Variants in RPS6KA1 observed in about 807,000 individuals in gnomAD.
The protein encoded by RPS6KA1 is ribosomal protein S6 kinase alpha-1.
A neutral mutation model predicts 91.3 loss-of-function variants in RPS6KA1; 48 were observed. That is an observed-to-expected ratio of 0.53 (90% CI 0.42 to 0.67). The LOEUF is 0.67. Ranked by LOEUF, RPS6KA1 falls within the 30% of genes least tolerant of loss-of-function variation. The pLI is 0.00. For missense variants in RPS6KA1, 719 were observed against 960.5 expected (o/e 0.75, Z 3.32); for synonymous variants, 359 against 384.7 (o/e 0.93, Z 0.78).
At chr1:26,560,138 A>G (rs2076141407) in intron 14 of RPS6KA1, among the ~76,000 whole-genome samples, 1 of 152,272 alleles carries the variant, frequency 6.6e-6, no homozygotes, top group Non-Finnish European at 1.5e-5. Flanking sequence ...ATCTTAGTCC[A>G]GGACAAATAT....
chr1:26,573,565 G>A (rs2076269158), intron 21 of RPS6KA1, among the ~76,000 whole-genome samples: 1 of 152,196 alleles, frequency 6.6e-6, no homozygotes, highest in South Asian at 2.1e-4. Context: ...CCTCTGGAAG[G>A]CACAGCTGCT....
At chr1:26,535,048 T>C (rs1557487756) in intron 1 of RPS6KA1, among the ~76,000 whole-genome samples, 1 of 152,072 alleles carries the variant, frequency 6.6e-6, no homozygotes, top group Non-Finnish European at 1.5e-5. Flanking sequence ...GTGGGTAGGC[T>C]GTTCTGATCA....
chr1:26,560,966 C>T (rs1472434579), intron 15 of RPS6KA1, 79 bp from the exon 16 acceptor site: 3 of 1,594,798 alleles, frequency 1.9e-6, no homozygotes, highest in Non-Finnish European at 2.6e-6. Flanking sequence ...GTGGCCGAGA[C>T]CTCCTGGCCT....
intron 17 of RPS6KA1, among the ~76,000 whole-genome samples, chr1:26,569,442 C>G (rs1211550211): frequency 6.6e-6 from 1 of 152,096 alleles, no homozygotes; most frequent in Non-Finnish European, 1.5e-5. Context: ...AGGGAGCCCA[C>G]GGGACTTTCT....
intron 21 of RPS6KA1, 28 bp downstream of exon 21, chr1:26,573,389 T>C: frequency 6.2e-7 from 1 of 1,613,582 alleles, no homozygotes. Flanking sequence ...CTGCTGGGCA[T>C]CTGGGGGGTC....
At chr1:26,573,082 G>A in intron 20 of RPS6KA1, 142 bp from the exon 21 acceptor site, 2 of 826,098 alleles carry the variant, frequency 2.4e-6, no homozygotes, top group Non-Finnish European at 3.8e-6. Flanking sequence ...GGGGAGCCCT[G>A]GAGCAGAGTG....
chr1:26,546,536 G>A (rs2075996046), intron 2 of RPS6KA1, among the ~76,000 whole-genome samples: 2 of 152,198 alleles, frequency 1.3e-5, no homozygotes, highest in South Asian at 2.1e-4. Flanking sequence ...ACAACAGGGG[G>A]AGGGAAGCCC....
Position 26,555,335 on chromosome 1 carries a change from C to G in RPS6KA1, c.827+114C>G. The G allele has an allele frequency of 8.9e-7, 1 of 1,120,010 alleles. No homozygotes were observed. Among genetic ancestry groups the G allele is most frequent in the Non-Finnish European group, 1.3e-6 (1 of 762,000 alleles). 69.4% of individuals were successfully genotyped at this position (1,120,010 alleles called of 1,614,324 possible). ...CTCAGCTACCCTCTCTAATGAGACT[C>G]TCCTCTGGGTTAAACATTATACCTT... On this transcript the variant is annotated intron_variant, in intron 10 of 21. Transcript: ENST00000374168. The surrounding 1 kb of genome is among the most constrained non-coding windows in gnomAD (Gnocchi z 4.3).
rs1173583237 is a variant in RPS6KA1, at chr1:26,571,811, C to G, written c.1753-38C>G. ...AAACATCTGTGGCGACTTTCTACTG[C>G]CCCCCCAGACTGACCACCTCCCCTG... On this transcript the variant is annotated intron_variant, in intron 18 of 21. Coordinates refer to ENST00000374168, the MANE Select transcript of RPS6KA1 (RefSeq NM_002953.4). This position sits in a 1 kb window ranked among gnomAD's most constrained non-coding sequence, Gnocchi z 5.1. 3 of 1,575,942 alleles carry G rather than the reference C, an allele frequency of 1.9e-6. No individual in the cohort carries two copies. The African/African-American group carries it at 4.0e-5, about 21-fold the overall frequency.
At position 26,553,963 on chromosome 1, in the gene RPS6KA1, C is replaced by A. The variant is rs2076076188; in HGVS notation, c.576-251C>A. Reference sequence around the variant, plus strand: ...TGTAGAGCTACTTAACTGCCCTGAGCCTTAGTTTTCCCATTAGCAAAACGG... The same window carrying A: ...TGTAGAGCTACTTAACTGCCCTGAGACTTAGTTTTCCCATTAGCAAAACGG... On this transcript the variant is annotated intron_variant, in intron 7 of 21. Transcript: ENST00000374168. The A allele has an allele frequency of 6.5e-6, 3 of 459,318 alleles. No homozygotes were observed. The East Asian group carries it at 1.2e-4, about 18-fold the overall frequency. 28.5% of individuals were successfully genotyped at this position (459,318 alleles called of 1,614,324 possible).
intron 2 of RPS6KA1, among the ~76,000 whole-genome samples, chr1:26,542,812 C>T (rs1200536218): frequency 6.6e-6 from 1 of 152,054 alleles, no homozygotes; most frequent in African/African-American, 2.4e-5. Flanking sequence ...ACTTTTGCCC[C>T]ACATTCTCTC....
At position 26,557,777 on chromosome 1, in the gene RPS6KA1, TCCTCCCCTCCCCTCCCCTCC is replaced by T. The variant is rs1182098277; in HGVS notation, c.1084+691_1084+710del. Among the ~76,000 whole-genome samples the T allele has an allele frequency of 3.5e-5, 2 of 56,882 alleles. 1 individual carries two copies. The highest frequency in any genetic ancestry group is 3.1e-3 in the East Asian group (2 of 654). 37.3% of individuals were successfully genotyped at this position (56,882 alleles called of 152,430 possible). The stretch of plus-strand genomic sequence containing the variant: ...TTCTCTCCTCTCCTCCCCTCCCCTC[TCCTCCCCTCCCCTCCCCTCC>T]CCTCCCCTCCCCTTCCCTCTCCTTC... On this transcript the variant is annotated intron_variant, in intron 13 of 21. Transcript: ENST00000374168.
In RPS6KA1 at chr1:26,554,472, C is replaced by T; in HGVS notation, c.614-124C>T. 7.5e-7 allele frequency: 1 copy of T among 1,338,760 alleles called. No individual in the cohort carries two copies. Among genetic ancestry groups the T allele is most frequent in the Non-Finnish European group, 1.0e-6 (1 of 966,492 alleles). 82.9% of individuals were successfully genotyped at this position (1,338,760 alleles called of 1,614,324 possible). On this transcript the variant is annotated intron_variant, in intron 8 of 21. Transcript: ENST00000374168. The surrounding 1 kb of genome is among the most constrained non-coding windows in gnomAD (Gnocchi z 4.6). Reference sequence around the variant, plus strand: ...GTCACCTGACCTCTCTGGGCCTTAGCTTCCTCCTGAGTGTCATGGGGGTGA... The same window carrying T: ...GTCACCTGACCTCTCTGGGCCTTAGTTTCCTCCTGAGTGTCATGGGGGTGA...
chr1:26,565,851 T>C (rs1167558238), intron 17 of RPS6KA1, among the ~76,000 whole-genome samples: 1 of 152,052 alleles, frequency 6.6e-6, no homozygotes, highest in Non-Finnish European at 1.5e-5. Flanking sequence ...CGCGGCCCCG[T>C]TTTGGAATTT....
rs1168638432 is a variant in RPS6KA1, at chr1:26,547,643, G to C, written c.307+373G>C. The C allele has an allele frequency of 4.2e-6, 1 of 236,036 alleles. No homozygotes were observed. The highest frequency in any genetic ancestry group is 1.1e-4 in the East Asian group (1 of 9,442). 14.6% of individuals were successfully genotyped at this position (236,036 alleles called of 1,614,324 possible). ...CCTGAGAGAAGGGCGTGAGTGAAGA[G>C]GCAGGGAGCCCAGGGAGGCAGCTGG... is the stretch of plus-strand genomic sequence containing the variant. On this transcript the variant is annotated intron_variant, in intron 4 of 21. Coordinates refer to ENST00000374168, the MANE Select transcript of RPS6KA1 (RefSeq NM_002953.4). This position sits in a 1 kb window ranked among gnomAD's most constrained non-coding sequence, Gnocchi z 4.1.
intron 2 of RPS6KA1, chr1:26,543,958 A>T: frequency 2.4e-6 from 1 of 409,378 alleles, no homozygotes; most frequent in Non-Finnish European, 5.0e-6. Flanking sequence ...TTGGCATAGG[A>T]GGAAAATCCT....
At chr1:26,537,814 A>T (rs1473417546) in intron 2 of RPS6KA1, among the ~76,000 whole-genome samples, 1 of 152,170 alleles carries the variant, frequency 6.6e-6, no homozygotes, top group African/African-American at 2.4e-5. Context: ...CTCCCTTCTG[A>T]GTCTCAGTTT....
chr1:26,546,051 T>A, intron 2 of RPS6KA1: 1 of 1,610,404 alleles, frequency 6.2e-7, no homozygotes, highest in Admixed American at 1.7e-5. Context: ...TGTGCCCGAA[T>A]GTCTGGTCCT....
intron 21 of RPS6KA1, 43 bp downstream of exon 21, chr1:26,573,404 C>T: frequency 6.2e-7 from 1 of 1,611,780 alleles, no homozygotes; most frequent in African/African-American, 1.3e-5. Flanking sequence ...GGGGTCAGCC[C>T]AAGGTGGCAT....
Sources: allele counts gnomAD v4.1 joint callset (sites outside exome capture counted in the v4.1 genomes callset), GRCh38; gene constraint gnomAD v4.1.1; non-coding constraint Gnocchi (gnomAD v3.1); transcripts MANE v1.5; gene names NCBI Gene and HGNC (gene_info 2026-07-23, HGNC 2026-07-21).